CEP112: variants seen among roughly 807,000 people sequenced by gnomAD.
CEP112 encodes centrosomal protein of 112 kDa.
Under a neutral mutation model 153.0 loss-of-function variants are expected in CEP112, and 127 were observed. That is an observed-to-expected ratio of 0.83 (90% CI 0.72 to 0.96). The LOEUF is 0.96. Among genes scored for constraint, CEP112 ranks in the 40% least tolerant of loss-of-function variants. CEP112 has a pLI of 0.00. For synonymous variants in CEP112, 358 were observed against 374.4 expected, an observed-to-expected ratio of 0.96 and a Z score of 0.51; for missense variants, 1,089 against 1,101.2, an observed-to-expected ratio of 0.99 and a Z score of 0.16.
chr17:65,657,544 G>A (rs2046122829), intron 24 of CEP112, among the ~76,000 whole-genome samples: 1 of 152,154 alleles, frequency 6.6e-6, no homozygotes, highest in Non-Finnish European at 1.5e-5. Flanking sequence ...GAAAGCGTTT[G>A]GGGAAAACCT....
At chr17:66,022,012 G>A (rs552351873) in intron 16 of CEP112, among the ~76,000 whole-genome samples, 32 of 152,258 alleles carry the variant, frequency 2.1e-4, no homozygotes, top group African/African-American at 6.5e-4. Context: ...CAGTGCTTGG[G>A]AATAACGTAA....
At position 65,892,736 on chromosome 17, in the gene CEP112, A is replaced by T. The variant is rs74490251; in HGVS notation, c.2163+9416T>A. On this transcript the variant is annotated intron_variant, in intron 20 of 26. Coordinates refer to ENST00000535342, the MANE Select transcript of CEP112 (RefSeq NM_001199165.4). The stretch of plus-strand genomic sequence containing the variant: ...TAAGCAGTAATTGGTGGATAATTGA[A>T]GAGCAAAAGTTTTCAACCCTCACAC... Among the ~76,000 whole-genome samples, 487 of 152,226 alleles carry T rather than the reference A, an allele frequency of 3.2e-3. 3 individuals carry two copies. Among genetic ancestry groups the T allele is most frequent in the African/African-American group, 0.011 (469 of 41,542 alleles).
At chr17:65,813,030 T>C (rs1044429833) in intron 21 of CEP112, among the ~76,000 whole-genome samples, 4 of 152,150 alleles carry the variant, frequency 2.6e-5, no homozygotes, top group African/African-American at 9.7e-5. Flanking sequence ...GAATAAAACA[T>C]TATTTCAAAT....
intron 20 of CEP112, among the ~76,000 whole-genome samples, chr17:65,874,325 T>C (rs937362167): frequency 2.6e-5 from 4 of 152,162 alleles, no homozygotes; most frequent in East Asian, 1.9e-4. Context: ...CTAGATATCA[T>C]AGAAATTATT....
intron 20 of CEP112, among the ~76,000 whole-genome samples, chr17:65,892,419 G>A (rs1235971984): frequency 6.6e-6 from 1 of 152,078 alleles, no homozygotes; most frequent in African/African-American, 2.4e-5. Flanking sequence ...AATCAAAACA[G>A]TTAACAATAA....
At chr17:65,864,379 T>C (rs1003548419) in intron 20 of CEP112, among the ~76,000 whole-genome samples, 4 of 152,146 alleles carry the variant, frequency 2.6e-5, no homozygotes, top group Non-Finnish European at 5.9e-5. Context: ...ATTTTCAAGA[T>C]GTGGATTAGA....
chr17:65,684,420 T>C (rs1386823229), intron 24 of CEP112, among the ~76,000 whole-genome samples: 4 of 152,224 alleles, frequency 2.6e-5, no homozygotes, highest in Admixed American at 2.6e-4. Flanking sequence ...AGCAGGGAAT[T>C]TTGCTCTGTG....
chr17:65,663,873 T>A (rs576728686), intron 24 of CEP112, among the ~76,000 whole-genome samples: 1 of 152,092 alleles, frequency 6.6e-6, no homozygotes, highest in Non-Finnish European at 1.5e-5. Context: ...GGTGAAACCC[T>A]GTTTCTACCA....
At chr17:65,678,063 T>A (rs905105289) in intron 24 of CEP112, among the ~76,000 whole-genome samples, 1 of 152,138 alleles carries the variant, frequency 6.6e-6, no homozygotes, top group African/African-American at 2.4e-5. Context: ...AAGTGGCCCC[T>A]CGGAATGTTT....
chr17:65,802,416 A>C (rs926675827), intron 21 of CEP112, among the ~76,000 whole-genome samples: 1 of 152,124 alleles, frequency 6.6e-6, no homozygotes, highest in Non-Finnish European at 1.5e-5. Flanking sequence ...CTACATCCTC[A>C]GCATAAACAT....
At chr17:65,659,125 G>A (rs1454269639) in intron 24 of CEP112, among the ~76,000 whole-genome samples, 1 of 151,752 alleles carries the variant, frequency 6.6e-6, no homozygotes, top group East Asian at 1.9e-4. Context: ...AATCACGACG[G>A]ATTTTGGTGA....
chr17:66,164,247 T>C (rs772738554), intron 4 of CEP112, among the ~76,000 whole-genome samples: 31 of 152,200 alleles, frequency 2.0e-4, no homozygotes, highest in Non-Finnish European at 4.0e-4. Flanking sequence ...GTGTCCATTG[T>C]ATAAAAGATT....
intron 21 of CEP112, among the ~76,000 whole-genome samples, chr17:65,800,634 G>A (rs1171247205): frequency 6.6e-6 from 1 of 152,166 alleles, no homozygotes; most frequent in African/African-American, 2.4e-5. Context: ...CCCTAGGAGA[G>A]GAAATGCTGG....
chr17:65,672,927 T>C (rs2047057998), intron 24 of CEP112, among the ~76,000 whole-genome samples: 1 of 152,218 alleles, frequency 6.6e-6, no homozygotes, highest in Admixed American at 6.5e-5. Context: ...AGGAAACTAG[T>C]AAAATCCCTG....
chr17:65,873,956 G>A (rs988084170), intron 20 of CEP112, among the ~76,000 whole-genome samples: 23 of 152,132 alleles, frequency 1.5e-4, no homozygotes, highest in African/African-American at 5.6e-4. Context: ...ATATAATAAA[G>A]TAGATGCTGT....
intron 23 of CEP112, among the ~76,000 whole-genome samples, chr17:65,699,491 C>A (rs955657484): frequency 6.6e-6 from 1 of 152,126 alleles, no homozygotes; most frequent in Admixed American, 6.5e-5. Context: ...TCTATCAGTG[C>A]CCTTTTTTCA....
chr17:66,158,977 A>T (rs1211109198), intron 4 of CEP112, among the ~76,000 whole-genome samples: 1 of 152,016 alleles, frequency 6.6e-6, no homozygotes, highest in East Asian at 1.9e-4. Context: ...AGAAGAAAAG[A>T]GAAGAATCAA....
chr17:65,910,729 T>C (rs1379020371), intron 19 of CEP112, among the ~76,000 whole-genome samples: 2 of 152,024 alleles, frequency 1.3e-5, no homozygotes, highest in Non-Finnish European at 2.9e-5. Flanking sequence ...GAAGCTAAAG[T>C]AGGAAACGTG....
intron 4 of CEP112, among the ~76,000 whole-genome samples, chr17:66,158,626 A>T (rs899219025): frequency 1.3e-5 from 2 of 152,214 alleles, no homozygotes; most frequent in Non-Finnish European, 1.5e-5. Context: ...AAATAAAAAA[A>T]GAAATAAAGT....
Sources: allele counts gnomAD v4.1 joint callset (sites outside exome capture counted in the v4.1 genomes callset), GRCh38; gene constraint gnomAD v4.1.1; transcripts MANE v1.5; gene names NCBI Gene and HGNC (gene_info 2026-07-23, HGNC 2026-07-21).